ALKBH1: variants seen among roughly 807,000 people sequenced by gnomAD.
The protein encoded by ALKBH1 is alkB homolog 1, histone H2A dioxygenase.
A neutral mutation model predicts 36.6 loss-of-function variants in ALKBH1; 31 were observed. That is an observed-to-expected ratio of 0.85 (90% CI 0.64 to 1.14). ALKBH1 has a LOEUF of 1.14. Among genes scored for constraint, ALKBH1 ranks in the 50% most tolerant of loss-of-function variants. The pLI is 0.00. For synonymous variants in ALKBH1, 183 were observed against 186.6 expected, an observed-to-expected ratio of 0.98 and a Z score of 0.16; for missense variants, 490 against 497.3, an observed-to-expected ratio of 0.99 and a Z score of 0.14.
chr14:77,680,025 C>T (rs773793687), intron 3 of ALKBH1, 55 bp from the exon 4 acceptor site: 15 of 1,354,954 alleles, frequency 1.1e-5, no homozygotes, highest in African/African-American at 5.7e-5. Flanking sequence ...CAGCAATAGC[C>T]GTTTGTATGG....
chr14:77,707,867 G>A lies in ALKBH1; in HGVS notation c.138C>T (p.Phe46=), dbSNP rs1169890421. ...GTADLEGVID[F]SAAHAARGKG... is the part of the protein sequence containing the mutation. ...TGCCACGGGCTGCGTGGGCCGCCGA[G>A]AAGTCGATGACCCCTTCCAGGTCTG... The change falls in exon 1 of 6, where the codon TTC becomes TTT. Residue 46 remains phenylalanine (F), a synonymous_variant. Transcript: ENST00000216489. 5.0e-6 allele frequency: 8 copies of A among 1,612,618 alleles called. No individual in the cohort carries two copies. The highest frequency in any genetic ancestry group is 1.1e-5 in the South Asian group (1 of 91,050).
At chr14:77,685,164 T>C (rs1266816732) in intron 3 of ALKBH1, among the ~76,000 whole-genome samples, 3 of 152,300 alleles carry the variant, frequency 2.0e-5, no homozygotes, top group Admixed American at 1.3e-4. Context: ...CATCTCTCAC[T>C]GGGAGCGGTG....
chr14:77,707,481 TGCA>T (rs1266986843), intron 1 of ALKBH1, among the ~76,000 whole-genome samples: 3 of 152,098 alleles, frequency 2.0e-5, no homozygotes, highest in Admixed American at 2.0e-4. Context: ...TTTTTTAAGC[TGCA>T]GAAGTCTACC....
rs1378414070 is a variant in ALKBH1, at chr14:77,704,622, G to A, written c.184-145C>T. The A allele has an allele frequency of 6.2e-5, 39 of 631,626 alleles. No homozygotes were observed. The Admixed American group carries it at 9.7e-4, about 16-fold the overall frequency. The allele number at this position is 631,626 out of a possible 1,614,324, so 39.1% of individuals were successfully genotyped here. On this transcript the variant is annotated intron_variant, in intron 1 of 5. Coordinates refer to ENST00000216489, the MANE Select transcript of ALKBH1 (RefSeq NM_006020.3). ...CAGAACCTTGCTCTATTGCTCAGGCGAGTGCAGAGGCATGATCATAGTTCA... is the reference window on the plus strand; with the variant it reads ...CAGAACCTTGCTCTATTGCTCAGGCAAGTGCAGAGGCATGATCATAGTTCA...
chr14:77,703,192 G>A (rs894422257), intron 2 of ALKBH1, among the ~76,000 whole-genome samples: 3 of 151,986 alleles, frequency 2.0e-5, no homozygotes, highest in East Asian at 1.9e-4. Flanking sequence ...TATGTTACCC[G>A]GGCTGGTCGC....
chr14:77,679,018 G>A (rs1240732776), intron 4 of ALKBH1, among the ~76,000 whole-genome samples: 2 of 151,956 alleles, frequency 1.3e-5, no homozygotes, highest in Non-Finnish European at 2.9e-5. Context: ...GTTTCACTAT[G>A]TTGCCCCAGG....
chr14:77,700,109 A>C (rs1462522462), intron 2 of ALKBH1, among the ~76,000 whole-genome samples: 1 of 152,136 alleles, frequency 6.6e-6, no homozygotes, highest in African/African-American at 2.4e-5. Context: ...CTAACCAAAC[A>C]AATCTCTGAA....
At chr14:77,689,978 GAC>G (rs901176650) in intron 3 of ALKBH1, among the ~76,000 whole-genome samples, 1 of 152,086 alleles carries the variant, frequency 6.6e-6, no homozygotes, top group Non-Finnish European at 1.5e-5. Flanking sequence ...AACATAGCAA[GAC>G]ACCATCTCTA....
chr14:77,693,134 A>G lies in ALKBH1; in HGVS notation c.455+1604T>C, dbSNP rs570747847. Among the ~76,000 whole-genome samples, 13 of 146,960 alleles carry G rather than the reference A, an allele frequency of 8.8e-5. 1 individual carries two copies. In the South Asian group the frequency reaches 2.8e-3, roughly 32 times the overall value. ...GGCAGGAGAATTGCTTGAACCCGGG[A>G]GGTGGAGGTTGCAGTGGGCCAAGAT... On this transcript the variant is annotated intron_variant, in intron 3 of 5. Transcript: ENST00000216489.
At chr14:77,683,080 T>C in intron 3 of ALKBH1, 1 of 469,522 alleles carries the variant, frequency 2.1e-6, no homozygotes, top group Admixed American at 3.5e-5. Flanking sequence ...TTGAACTCCT[T>C]ACCTCAAGCA....
At chr14:77,692,551 G>T (rs1431884425) in intron 3 of ALKBH1, among the ~76,000 whole-genome samples, 1 of 152,162 alleles carries the variant, frequency 6.6e-6, no homozygotes, top group East Asian at 1.9e-4. Flanking sequence ...ATCTGACAGG[G>T]GGCGAAGCTC....
chr14:77,701,426 C>A (rs1262309535), intron 2 of ALKBH1, among the ~76,000 whole-genome samples: 1 of 152,170 alleles, frequency 6.6e-6, no homozygotes, highest in Admixed American at 6.5e-5. Flanking sequence ...GGTAACCTGG[C>A]ACCAGAACCT....
chr14:77,675,998 CTTTTT>C (rs374529582), intron 4 of ALKBH1, 149 bp from the exon 5 acceptor site: 2 of 564,472 alleles, frequency 3.5e-6, no homozygotes, highest in Non-Finnish European at 5.9e-6. Context: ...CTTTTCTTTT[CTTTTT>C]TTTTTTTTTT....
intron 1 of ALKBH1, among the ~76,000 whole-genome samples, chr14:77,705,411 GAAAAAAA>G (rs56123313): frequency 1.3e-4 from 15 of 113,376 alleles, no homozygotes; most frequent in Non-Finnish European, 2.3e-4. Context: ...CTCCGTCTAA[GAAAAAAA>G]AAAAAAAAAA....
chr14:77,687,916 C>CCCTT (rs1555384105), intron 3 of ALKBH1, among the ~76,000 whole-genome samples: 4 of 151,722 alleles, frequency 2.6e-5, no homozygotes, highest in Non-Finnish European at 2.9e-5. Context: ...CTCATCTCAT[C>CCCTT]TCTCTTCGTG....
At chr14:77,681,901 C>T (rs2080240108) in intron 3 of ALKBH1, among the ~76,000 whole-genome samples, 1 of 152,158 alleles carries the variant, frequency 6.6e-6, no homozygotes, top group Non-Finnish European at 1.5e-5. Context: ...GTGTGACTTC[C>T]TTGGGAGAGG....
At chr14:77,681,610 G>A (rs1169246499) in intron 3 of ALKBH1, among the ~76,000 whole-genome samples, 1 of 152,208 alleles carries the variant, frequency 6.6e-6, no homozygotes, top group Admixed American at 6.5e-5. Context: ...TAGGACAGGT[G>A]TGCAGAAGAG....
chr14:77,687,607 T>C (rs2139852323), intron 3 of ALKBH1, among the ~76,000 whole-genome samples: 1 of 152,296 alleles, frequency 6.6e-6, no homozygotes, highest in Middle Eastern at 3.4e-3. Context: ...CTACTGAATC[T>C]AGTTTCTTAG....
intron 2 of ALKBH1, among the ~76,000 whole-genome samples, chr14:77,703,563 G>C (rs1003921740): frequency 4.0e-5 from 6 of 148,610 alleles, no homozygotes; most frequent in Non-Finnish European, 5.9e-5. Flanking sequence ...CCAAAGTGTT[G>C]GGATTACAGG....
Sources: gnomAD v4.1 joint callset for allele counts (sites outside exome capture counted in the v4.1 genomes callset) on GRCh38, gnomAD v4.1.1 for gene constraint, MANE v1.5 for transcripts, NCBI Gene and HGNC (gene_info 2026-07-23, HGNC 2026-07-21) for gene names.